Variants in CLYBL observed in about 807,000 individuals in gnomAD.
CLYBL encodes the protein citramalyl-CoA lyase.
In CLYBL, 31 loss-of-function variants were observed where a neutral mutation model predicts 38.9. The ratio of observed to expected loss-of-function variants is 0.80; its 90% CI spans 0.60 to 1.08. The LOEUF is 1.08. Ranked by LOEUF, CLYBL falls within the 50% of genes least tolerant of loss-of-function variation. CLYBL has a pLI of 0.00. For missense variants in CLYBL, 434 were observed against 411.6 expected (o/e 1.05, Z -0.47); for synonymous variants, 171 against 158.6 (o/e 1.08, Z -0.59).
At chr13:99,761,603 T>A (rs564400223) in intron 1 of CLYBL, among the ~76,000 whole-genome samples, 2 of 152,344 alleles carry the variant, frequency 1.3e-5, no homozygotes, top group Non-Finnish European at 2.9e-5. Flanking sequence ...ATTTTGGCTA[T>A]TATGAATAGG....
At chr13:99,657,901 G>A (rs2047351370) in intron 1 of CLYBL, among the ~76,000 whole-genome samples, 1 of 152,212 alleles carries the variant, frequency 6.6e-6, no homozygotes, top group Non-Finnish European at 1.5e-5. Context: ...AGGAACAGAA[G>A]CCAAGTCGGC....
intron 2 of CLYBL, among the ~76,000 whole-genome samples, chr13:99,782,864 G>A (rs976531714): frequency 7.9e-5 from 12 of 152,010 alleles, no homozygotes; most frequent in Non-Finnish European, 1.5e-4. Context: ...CTGAGTACAC[G>A]TAGTTGGAAA....
intron 1 of CLYBL, among the ~76,000 whole-genome samples, chr13:99,733,238 G>A (rs1168296857): frequency 6.6e-6 from 1 of 151,586 alleles, no homozygotes; most frequent in Non-Finnish European, 1.5e-5. Context: ...TCCCAATAAT[G>A]TAAGATATAG....
At chr13:99,844,890 A>T (rs1028532987) in intron 2 of CLYBL, among the ~76,000 whole-genome samples, 4 of 152,240 alleles carry the variant, frequency 2.6e-5, no homozygotes, top group Admixed American at 2.6e-4. Flanking sequence ...TAGGTATCAA[A>T]GACCGGATTC....
At chr13:99,633,887 C>T (rs1034551615) in intron 1 of CLYBL, among the ~76,000 whole-genome samples, 1 of 152,066 alleles carries the variant, frequency 6.6e-6, no homozygotes, top group African/African-American at 2.4e-5. Flanking sequence ...GCCTCAGAGA[C>T]CTGTGGGACA....
intron 1 of CLYBL, among the ~76,000 whole-genome samples, chr13:99,737,339 T>G (rs1276135032): frequency 6.6e-6 from 1 of 152,222 alleles, no homozygotes; most frequent in Non-Finnish European, 1.5e-5. Flanking sequence ...CAATTGGGCT[T>G]CCTGTGCACG....
intron 7 of CLYBL, among the ~76,000 whole-genome samples, chr13:99,879,989 G>A (rs1389003258): frequency 6.6e-6 from 1 of 150,548 alleles, no homozygotes; most frequent in East Asian, 1.9e-4. Flanking sequence ...TAGTGACAGT[G>A]CTGGTAGCAT....
intron 1 of CLYBL, among the ~76,000 whole-genome samples, chr13:99,655,314 G>A (rs960545375): frequency 1.3e-5 from 2 of 152,148 alleles, no homozygotes; most frequent in Admixed American, 1.3e-4. Context: ...GACCTCAGAT[G>A]ATCTGTCTGC....
chr13:99,675,266 A>G (rs2047626960), intron 1 of CLYBL, among the ~76,000 whole-genome samples: 1 of 152,174 alleles, frequency 6.6e-6, no homozygotes, highest in Non-Finnish European at 1.5e-5. Flanking sequence ...GGGGACCAGG[A>G]CCACTGCATT....
chr13:99,877,594 T>TTTTTTC, intron 7 of CLYBL: 1 of 322,870 alleles, frequency 3.1e-6, no homozygotes, highest in Non-Finnish European at 5.7e-6. Flanking sequence ...TTTTTTTTTT[T>TTTTTTC]AAGACAGTGT....
At chr13:99,651,276 A>T (rs1275320219) in intron 1 of CLYBL, among the ~76,000 whole-genome samples, 4 of 152,244 alleles carry the variant, frequency 2.6e-5, no homozygotes, top group Non-Finnish European at 5.9e-5. Context: ...AGCACATGAC[A>T]AGAACTGAAT....
At chr13:99,646,059 C>T (rs963976474) in intron 1 of CLYBL, among the ~76,000 whole-genome samples, 12 of 152,238 alleles carry the variant, frequency 7.9e-5, no homozygotes, top group African/African-American at 2.6e-4. Flanking sequence ...CCCTGGGACA[C>T]TGTGGGGTTC....
intron 1 of CLYBL, among the ~76,000 whole-genome samples, chr13:99,713,452 G>T (rs2048265808): frequency 6.7e-6 from 1 of 149,056 alleles, no homozygotes; most frequent in African/African-American, 2.5e-5. Context: ...TGATTCTCCT[G>T]CCTCAGCCTC....
Position 99,865,593 on chromosome 13 carries a change from A to G in CLYBL, c.635-647A>G, listed in dbSNP as rs2051721128. On this transcript the variant is annotated intron_variant, in intron 5 of 8. Transcript: ENST00000339105. This position sits in a 1 kb window ranked among gnomAD's most constrained non-coding sequence, Gnocchi z 4.7. Reference sequence around the variant, plus strand: ...GCAGGGAGTGGCATGTTCCAAATGTAAACAGGGACACTTCCCTCCCCTCAG... The same window carrying G: ...GCAGGGAGTGGCATGTTCCAAATGTGAACAGGGACACTTCCCTCCCCTCAG... Among the ~76,000 whole-genome samples the G allele has an allele frequency of 6.6e-6, 1 of 152,208 alleles. No individual in the cohort carries two copies. The highest frequency in any genetic ancestry group is 1.5e-5 in the Non-Finnish European group (1 of 68,038).
At chr13:99,819,452 AT>A (rs377463033) in intron 2 of CLYBL, among the ~76,000 whole-genome samples, 13,394 of 82,780 alleles carry the variant, frequency 0.16, 1,657 homozygotes, top group Admixed American at 0.2. Flanking sequence ...ATATATATAT[AT>A]ATATATATAT....
chr13:99,797,560 T>TTTTGTGTGTGTG (rs2050046797), intron 2 of CLYBL, among the ~76,000 whole-genome samples: 3 of 141,708 alleles, frequency 2.1e-5, no homozygotes, highest in Non-Finnish European at 1.5e-5. Flanking sequence ...TGTTAGCTGT[T>TTTTGTGTGTGTG]TGTGTGTGTG....
At chr13:99,718,732 GTTC>G (rs766139999) in intron 1 of CLYBL, among the ~76,000 whole-genome samples, 2 of 152,028 alleles carry the variant, frequency 1.3e-5, no homozygotes, top group African/African-American at 4.8e-5. Context: ...CTGATAAAAT[GTTC>G]TTTTTATCAT....
chr13:99,733,317 AG>A (rs1355976649), intron 1 of CLYBL, among the ~76,000 whole-genome samples: 1 of 152,128 alleles, frequency 6.6e-6, no homozygotes, highest in East Asian at 1.9e-4. Flanking sequence ...TGACTCTACC[AG>A]GGAAATTAAC....
chr13:99,679,874 G>A (rs2047709534), intron 1 of CLYBL, among the ~76,000 whole-genome samples: 1 of 151,966 alleles, frequency 6.6e-6, no homozygotes, highest in African/African-American at 2.4e-5. Context: ...GGAAATGTTT[G>A]GCCAACTAGA....
Sources: allele counts gnomAD v4.1 joint callset (sites outside exome capture counted in the v4.1 genomes callset), GRCh38; gene constraint gnomAD v4.1.1; non-coding constraint Gnocchi (gnomAD v3.1); transcripts MANE v1.5; gene names NCBI Gene and HGNC (gene_info 2026-07-23, HGNC 2026-07-21).